The following ATP8B4 variants were observed in gnomAD, a reference collection of about 807,000 sequenced individuals.
The protein encoded by ATP8B4 is probable phospholipid-transporting ATPase IM.
A neutral mutation model predicts 145.6 loss-of-function variants in ATP8B4; 133 were observed. The ratio of observed to expected loss-of-function variants is 0.91; its 90% confidence interval spans 0.79 to 1.05. The LOEUF (loss-of-function observed/expected upper bound fraction) is 1.05. Ranked by LOEUF, ATP8B4 falls within the 50% of genes least tolerant of loss-of-function variation. ATP8B4 has a pLI of 0.00. For missense variants in ATP8B4, 1,458 were observed against 1,425.2 expected, an observed-to-expected ratio of 1.02 and a Z score of -0.37; for synonymous variants, 507 against 492.9, an observed-to-expected ratio of 1.03 and a Z score of -0.38.
intron 2 of ATP8B4, among the ~76,000 whole-genome samples, chr15:50,082,415 C>A (rs2054613598): frequency 6.6e-6 from 1 of 152,160 alleles, no homozygotes; most frequent in South Asian, 2.1e-4. Context: ...GCTTTCCTCA[C>A]AAGAGAGCTT....
chr15:50,026,112 T>C (rs2049987793), intron 6 of ATP8B4, among the ~76,000 whole-genome samples: 1 of 152,228 alleles, frequency 6.6e-6, no homozygotes. Context: ...CCTACCCTCC[T>C]TGTTCCACTG....
intron 10 of ATP8B4, 108 bp from the exon 11 acceptor site, chr15:49,981,402 T>C: frequency 1.1e-6 from 1 of 877,652 alleles, no homozygotes; most frequent in Non-Finnish European, 1.7e-6. Flanking sequence ...TTTTTCACAA[T>C]AATTTAACTT....
chr15:50,004,540 C>A (rs767083020), intron 7 of ATP8B4, among the ~76,000 whole-genome samples: 6 of 152,268 alleles, frequency 3.9e-5, no homozygotes, highest in Middle Eastern at 3.4e-3. Flanking sequence ...ACTTGTGTTC[C>A]AGGTGTAGGT....
At chr15:49,894,151 A>G (rs994034499) in intron 23 of ATP8B4, among the ~76,000 whole-genome samples, 10 of 152,180 alleles carry the variant, frequency 6.6e-5, no homozygotes, top group African/African-American at 2.4e-4. Flanking sequence ...ACCTTCCACA[A>G]CATGAACAGC....
chr15:50,158,547 G>A (rs1297948492), intron 1 of ATP8B4, among the ~76,000 whole-genome samples: 11 of 149,476 alleles, frequency 7.4e-5, no homozygotes, highest in Admixed American at 2.0e-4. Flanking sequence ...CTGCCTGGCC[G>A]CCCCTTCTGG....
intron 7 of ATP8B4, among the ~76,000 whole-genome samples, chr15:50,008,422 T>G (rs1475450873): frequency 6.6e-6 from 1 of 152,158 alleles, no homozygotes; most frequent in African/African-American, 2.4e-5. Flanking sequence ...CACCCCATCA[T>G]GGGAACCACC....
rs761544085 is a variant in ATP8B4 at position 49,901,083 on chromosome 15, C to A, written c.2289+9G>T. On this transcript the variant is annotated intron_variant, in intron 21 of 27. Transcript: ENST00000284509. ...AAAAAGAAAGGACAAAAACCTTAGG[C>A]AAACTCACCAAACTGTGGCCATTTA... is the stretch of plus-strand genomic sequence containing the variant. 3 of 1,609,938 alleles carry A rather than the reference C, an allele frequency of 1.9e-6. No individual in the cohort carries two copies. The highest frequency in any genetic ancestry group is 1.7e-5 in the Admixed American group (1 of 59,570).
At chr15:50,123,166 A>C (rs2057284564), upstream of ATP8B4, among the ~76,000 whole-genome samples, 1 of 152,130 alleles carries the variant, frequency 6.6e-6, no homozygotes, top group Admixed American at 6.6e-5. Flanking sequence ...CCTTTGCAAA[A>C]ATTATAACAG....
intron 1 of ATP8B4, among the ~76,000 whole-genome samples, chr15:50,145,580 C>T (rs1361341105): frequency 6.6e-6 from 1 of 152,088 alleles, no homozygotes; most frequent in African/African-American, 2.4e-5. Flanking sequence ...AGTGTTACTG[C>T]CATCTAGTGG....
intron 6 of ATP8B4, among the ~76,000 whole-genome samples, chr15:50,024,864 A>G (rs990216392): frequency 1.3e-5 from 2 of 152,162 alleles, no homozygotes; most frequent in African/African-American, 2.4e-5. Flanking sequence ...GCAGTGCCCA[A>G]GAGACTCCCA....
chr15:50,075,006 T>C (rs1212701231), intron 2 of ATP8B4, among the ~76,000 whole-genome samples: 1 of 152,164 alleles, frequency 6.6e-6, no homozygotes, highest in Non-Finnish European at 1.5e-5. Context: ...CAGATGTCAA[T>C]GCTGGATTCT....
At chr15:49,881,165 T>C (rs2035352709) in intron 23 of ATP8B4, among the ~76,000 whole-genome samples, 1 of 151,912 alleles carries the variant, frequency 6.6e-6, no homozygotes, top group South Asian at 2.1e-4. Flanking sequence ...CATTTGCCAA[T>C]TTCCATGGTA....
At chr15:50,137,202 T>C (rs1178561957) in intron 1 of ATP8B4, among the ~76,000 whole-genome samples, 1 of 152,224 alleles carries the variant, frequency 6.6e-6, no homozygotes, top group African/African-American at 2.4e-5. Context: ...TACATTCCAT[T>C]CATCCAACAA....
At chr15:49,908,065 C>T (rs1440098811) in intron 20 of ATP8B4, 2 of 456,034 alleles carry the variant, frequency 4.4e-6, no homozygotes, top group Non-Finnish European at 8.8e-6. Flanking sequence ...CTTCGACTTC[C>T]TCATATGTCC....
At chr15:49,978,744 A>G (rs1473728538) in intron 12 of ATP8B4, among the ~76,000 whole-genome samples, 1 of 68,912 alleles carries the variant, frequency 1.5e-5, no homozygotes, top group African/African-American at 5.7e-5. Flanking sequence ...TCAAATACAC[A>G]CACACACACA....
chr15:50,108,378 C>T (rs1202718729), intron 1 of ATP8B4, among the ~76,000 whole-genome samples: 1 of 152,066 alleles, frequency 6.6e-6, no homozygotes, highest in African/African-American at 2.4e-5. Flanking sequence ...ATGTCACACC[C>T]CTGCTAAAAA....
intron 9 of ATP8B4, among the ~76,000 whole-genome samples, chr15:49,988,272 T>C (rs1057501656): frequency 6.6e-6 from 1 of 152,212 alleles, no homozygotes; most frequent in African/African-American, 2.4e-5. Flanking sequence ...TATGAAAATA[T>C]ACATTCAGGA....
At chr15:50,049,423 A>G (rs532619571) in intron 3 of ATP8B4, among the ~76,000 whole-genome samples, 2 of 152,284 alleles carry the variant, frequency 1.3e-5, no homozygotes, top group Admixed American at 1.3e-4. Flanking sequence ...ATCCTGTGTT[A>G]ATTCACTTCA....
At chr15:50,147,882 A>G (rs1160097055) in intron 1 of ATP8B4, among the ~76,000 whole-genome samples, 1 of 152,246 alleles carries the variant, frequency 6.6e-6, no homozygotes, top group African/African-American at 2.4e-5. Context: ...GGCAAGGATC[A>G]TCAAAGAGTG....
Sources: gnomAD v4.1 joint callset for allele counts (sites outside exome capture counted in the v4.1 genomes callset) on GRCh38, gnomAD v4.1.1 for gene constraint, MANE v1.5 for transcripts, NCBI Gene and HGNC (gene_info 2026-07-23, HGNC 2026-07-21) for gene names.